The following EYA1 variants were observed in gnomAD, a reference collection of about 807,000 sequenced individuals.
EYA1 encodes protein phosphatase EYA1.
A neutral mutation model predicts 82.0 loss-of-function variants in EYA1; 16 were observed. That is an observed-to-expected ratio of 0.20 (90% CI 0.13 to 0.30). EYA1 has a LOEUF of 0.30. EYA1 is among the 10% of genes least tolerant of loss of function. The pLI, the probability that EYA1 is intolerant of heterozygous loss-of-function variation, is 1.00. For synonymous variants in EYA1, 261 were observed against 264.4 expected (o/e 0.99, Z 0.12); for missense variants, 633 against 730.7 (o/e 0.87, Z 1.54).
intron 11 of EYA1, among the ~76,000 whole-genome samples, chr8:71,250,079 T>C (rs1813569174): frequency 6.6e-6 from 1 of 152,118 alleles, no homozygotes; most frequent in Non-Finnish European, 1.5e-5. Context: ...TTGTGGATAT[T>C]TGGTATGGTC....
chr8:71,217,433 T>C (rs950777698), intron 12 of EYA1, among the ~76,000 whole-genome samples: 1 of 152,204 alleles, frequency 6.6e-6, no homozygotes, highest in Non-Finnish European at 1.5e-5. Context: ...TGATGCTAAC[T>C]GCCAATGAAA....
At chr8:71,382,511 C>T (rs1264850229) in intron 2 of EYA1, among the ~76,000 whole-genome samples, 1 of 149,030 alleles carries the variant, frequency 6.7e-6, no homozygotes, top group South Asian at 2.2e-4. Flanking sequence ...TATTTCAGCA[C>T]ACAGTATTAG....
At chr8:71,290,803 AAAAGAAAG>A (rs59515569) in intron 9 of EYA1, among the ~76,000 whole-genome samples, 1 of 151,280 alleles carries the variant, frequency 6.6e-6, no homozygotes, top group Non-Finnish European at 1.5e-5. Flanking sequence ...CCTCTGGGAA[AAAAGAAAG>A]AAAGAAAGAA....
chr8:71,538,721 A>T (rs1017763384), intron 1 of EYA1, among the ~76,000 whole-genome samples: 1 of 152,170 alleles, frequency 6.6e-6, no homozygotes, highest in African/African-American at 2.4e-5. Context: ...CTAGAAAAGG[A>T]GTAGAAGACT....
intron 3 of EYA1, among the ~76,000 whole-genome samples, chr8:71,354,230 C>A (rs970236801): frequency 6.6e-6 from 1 of 151,994 alleles, no homozygotes; most frequent in Non-Finnish European, 1.5e-5. Flanking sequence ...GTGTGTATAT[C>A]ACCTAAATGC....
rs571545793 is a variant in EYA1, at chr8:71,428,065, T to C, written c.34-71554A>G. Reference sequence around the variant, plus strand: ...AACGAGGCATATGGGTGAGTCTGCATTGGCTCCTGACCATGTTTCCATTGA... The same window carrying C: ...AACGAGGCATATGGGTGAGTCTGCACTGGCTCCTGACCATGTTTCCATTGA... On this transcript the variant is annotated intron_variant, in intron 2 of 18. Transcript: ENST00000643681. Among the ~76,000 whole-genome samples, 11 of 152,220 alleles carry C rather than the reference T, an allele frequency of 7.2e-5. No homozygotes were observed. The South Asian group carries it at 1.9e-3, about 26-fold the overall frequency.
chr8:71,491,000 C>G (rs952171184), intron 2 of EYA1, among the ~76,000 whole-genome samples: 9 of 152,110 alleles, frequency 5.9e-5, no homozygotes, highest in African/African-American at 2.2e-4. Flanking sequence ...GCTCAAGTAA[C>G]TGGTGAATGA....
At chr8:71,307,833 G>A (rs535310700) in intron 7 of EYA1, among the ~76,000 whole-genome samples, 129 of 152,264 alleles carry the variant, frequency 8.5e-4, no homozygotes, top group African/African-American at 3.0e-3. Flanking sequence ...GAACACTGAC[G>A]CATGGTCCAG....
intron 2 of EYA1, among the ~76,000 whole-genome samples, chr8:71,530,405 C>G (rs920674040): frequency 7.9e-5 from 12 of 152,222 alleles, no homozygotes; most frequent in Admixed American, 1.3e-4. Context: ...TTTAAGCCAC[C>G]CACTTTGTGG....
At chr8:71,416,562 T>G (rs1449746900) in intron 2 of EYA1, among the ~76,000 whole-genome samples, 1 of 152,198 alleles carries the variant, frequency 6.6e-6, no homozygotes. Context: ...TATAAACCCC[T>G]GAAAGGCCAC....
intron 2 of EYA1, among the ~76,000 whole-genome samples, chr8:71,458,131 A>C (rs1342769065): frequency 6.6e-6 from 1 of 152,186 alleles, no homozygotes; most frequent in Non-Finnish European, 1.5e-5. Flanking sequence ...AAAACTTTTA[A>C]ATATAGAAAA....
At position 71,443,192 on chromosome 8, in the gene EYA1, T is replaced by C. The variant is rs556106028; in HGVS notation, c.34-86681A>G. 6.3e-4 allele frequency among the ~76,000 whole-genome samples: 96 copies of C among 152,220 alleles called. 1 individual carries two copies. The highest frequency in any genetic ancestry group is 1.4e-3 in the South Asian group (7 of 4,830). ...CTGCCTCTCCACCCCAATATCCCAA[T>C]ATTATGTGGAGTGGGATGATTGGTC... On this transcript the variant is annotated intron_variant, in intron 2 of 18. Transcript: ENST00000643681.
intron 1 of EYA1, among the ~76,000 whole-genome samples, chr8:71,543,096 C>A (rs552149884): frequency 8.5e-5 from 13 of 152,222 alleles, no homozygotes; most frequent in African/African-American, 3.1e-4. Flanking sequence ...TGGTGTCTTC[C>A]TCATGAAATC....
intron 2 of EYA1, among the ~76,000 whole-genome samples, chr8:71,532,690 G>T (rs796661273): frequency 2.4e-4 from 36 of 152,096 alleles, no homozygotes; most frequent in African/African-American, 8.2e-4. Context: ...GCGTAGGGAG[G>T]CAAGTATTTC....
intron 4 of EYA1, among the ~76,000 whole-genome samples, chr8:71,329,248 G>A (rs1168467758): frequency 2.6e-5 from 4 of 151,960 alleles, no homozygotes; most frequent in African/African-American, 4.8e-5. Flanking sequence ...CTTTTCTCAC[G>A]GTATTAGCCC....
intron 2 of EYA1, among the ~76,000 whole-genome samples, chr8:71,475,412 T>G (rs1056343015): frequency 6.6e-6 from 1 of 152,226 alleles, no homozygotes; most frequent in Non-Finnish European, 1.5e-5. Context: ...ATGTGATATG[T>G]TCTTTTCATG....
At chr8:71,474,061 T>C (rs1809454717) in intron 2 of EYA1, among the ~76,000 whole-genome samples, 1 of 151,588 alleles carries the variant, frequency 6.6e-6, no homozygotes, top group Non-Finnish European at 1.5e-5. Flanking sequence ...GGGGGGTGCA[T>C]AGAAGAGGAA....
intron 4 of EYA1, among the ~76,000 whole-genome samples, chr8:71,332,355 A>T (rs1272146709): frequency 6.6e-6 from 1 of 152,132 alleles, no homozygotes; most frequent in Non-Finnish European, 1.5e-5. Flanking sequence ...GCTGCCTCAC[A>T]GTCAACATGC....
At chr8:71,242,773 C>CTTT (rs35413533) in intron 12 of EYA1, among the ~76,000 whole-genome samples, 38 of 117,596 alleles carry the variant, frequency 3.2e-4, no homozygotes, top group African/African-American at 1.1e-3. Context: ...AGTTTTGGCA[C>CTTT]TTTTTTTTTT....
Sources: allele counts gnomAD v4.1 joint callset (sites outside exome capture counted in the v4.1 genomes callset), GRCh38; gene constraint gnomAD v4.1.1; transcripts MANE v1.5; gene names NCBI Gene and HGNC (gene_info 2026-07-23, HGNC 2026-07-21).